Variants in REPS1 observed in about 807,000 individuals in gnomAD.
REPS1 encodes the protein RALBP1 associated Eps domain containing 1, also known as ralBP1-associated Eps domain-containing protein 1.
REPS1 carries 39 observed loss-of-function variants against 100.9 expected under a neutral mutation model. That is an observed-to-expected ratio of 0.39 (90% CI 0.30 to 0.50). The LOEUF is 0.50. Among genes scored for constraint, REPS1 ranks in the 20% least tolerant of loss-of-function variants. REPS1 has a pLI of 0.86. For missense variants in REPS1, 821 were observed against 968.5 expected (o/e 0.85, Z 2.02); for synonymous variants, 324 against 340.3 (o/e 0.95, Z 0.53).
intron 8 of REPS1, among the ~76,000 whole-genome samples, chr6:138,931,588 ATTAT>A (rs1781487701): frequency 6.6e-6 from 1 of 152,160 alleles, no homozygotes; most frequent in South Asian, 2.1e-4. Flanking sequence ...AAGATCAGAA[ATTAT>A]TTCTTTCTTA....
intron 1 of REPS1, among the ~76,000 whole-genome samples, chr6:138,952,890 T>G (rs1194043097): frequency 6.7e-6 from 1 of 148,272 alleles, no homozygotes; most frequent in Non-Finnish European, 1.5e-5. Flanking sequence ...CAGGCTGGAG[T>G]GCAATGGCAC....
At chr6:138,943,786 T>C in intron 6 of REPS1, 67 bp downstream of exon 6, 3 of 1,332,724 alleles carry the variant, frequency 2.3e-6, no homozygotes, top group Non-Finnish European at 3.1e-6. Context: ...TAAAACAATG[T>C]CTTTGATATT....
At position 138,908,618 on chromosome 6, in the gene REPS1, G is replaced by A. The variant is rs142754700; in HGVS notation, c.2216+50C>T. On this transcript the variant is annotated intron_variant, in intron 18 of 19. Coordinates refer to ENST00000450536, the MANE Select transcript of REPS1 (RefSeq NM_001286611.2). ...GCCAGTTTGATTACTTTTAATTGTC[G>A]TGCTTTTTCTTCCTAGTAATTAAAT... is the stretch of plus-strand genomic sequence containing the variant. 7.3e-4 allele frequency: 1,163 copies of A among 1,596,948 alleles called. 9 individuals carry two copies. The African/African-American group carries it at 0.014, about 19-fold the overall frequency.
chr6:138,988,112 C>A lies in REPS1; in HGVS notation c.-430G>T. On this transcript the variant is annotated 5_prime_UTR_variant, in exon 1 of 20. Coordinates refer to ENST00000450536, the MANE Select transcript of REPS1 (RefSeq NM_001286611.2). Reference sequence around the variant, plus strand: ...TCCCCTTCCGTCCACGCCTCCGGAGCGGCAGCGCTTCCCGGAAAGTTGTGG... The same window carrying A: ...TCCCCTTCCGTCCACGCCTCCGGAGAGGCAGCGCTTCCCGGAAAGTTGTGG... 1 of 398,082 alleles carries A rather than the reference C, an allele frequency of 2.5e-6. No individual in the cohort carries two copies. Among genetic ancestry groups the A allele is most frequent in the Non-Finnish European group, 4.4e-6 (1 of 225,698 alleles). 24.7% of individuals were successfully genotyped at this position (398,082 alleles called of 1,614,324 possible). A position where few individuals can be genotyped will look rare whatever the true frequency, so the allele number is the denominator to read the frequency against.
intron 13 of REPS1, among the ~76,000 whole-genome samples, chr6:138,917,176 G>C (rs1245605479): frequency 1.3e-5 from 2 of 152,204 alleles, no homozygotes; most frequent in Non-Finnish European, 2.9e-5. Context: ...TCAGGGTGGG[G>C]AGGTGGCCCA....
intron 1 of REPS1, among the ~76,000 whole-genome samples, chr6:138,967,642 T>C (rs116074970): frequency 0.01 from 1,577 of 152,242 alleles, 21 homozygotes; most frequent in African/African-American, 0.036. Flanking sequence ...ATAATCCCAG[T>C]GCAGCAACAC....
chr6:138,909,747 A>G (rs2128425822), intron 17 of REPS1, among the ~76,000 whole-genome samples: 1 of 152,186 alleles, frequency 6.6e-6, no homozygotes, highest in African/African-American at 2.4e-5. Context: ...TCCGCCATAA[A>G]TGTAAATTTC....
At chr6:138,923,830 T>G (rs1285051991) in intron 10 of REPS1, among the ~76,000 whole-genome samples, 2 of 152,254 alleles carry the variant, frequency 1.3e-5, no homozygotes, top group Non-Finnish European at 2.9e-5. Flanking sequence ...AGCAAATGGC[T>G]AATTATTACA....
chr6:138,957,907 CAATT>C, intron 1 of REPS1, among the ~76,000 whole-genome samples: 1 of 152,110 alleles, frequency 6.6e-6, no homozygotes, highest in East Asian at 1.9e-4. Context: ...ACATATTAAA[CAATT>C]AATTATGGTT....
chr6:138,984,614 T>C (rs551280643), intron 1 of REPS1, among the ~76,000 whole-genome samples: 3 of 152,300 alleles, frequency 2.0e-5, no homozygotes, highest in African/African-American at 7.2e-5. Flanking sequence ...TCTTCCCCAT[T>C]GTCACCTTCA....
chr6:138,920,995 T>C, intron 11 of REPS1, 42 bp downstream of exon 11: 1 of 1,359,932 alleles, frequency 7.4e-7, no homozygotes, highest in Admixed American at 1.8e-5. Flanking sequence ...ATATTTCAGT[T>C]TGATGTAAAA....
rs549030923 is a variant in REPS1, at chr6:138,987,730, G to C, written c.-48C>G. On this transcript the variant is annotated 5_prime_UTR_variant, in exon 1 of 20. Coordinates refer to ENST00000450536, the MANE Select transcript of REPS1 (RefSeq NM_001286611.2). Reference sequence around the variant, plus strand: ...CCCCGCCCCGCATGCACTACTCGGGGCCCGGCCCCAGGAACCTGGGCCGGC... The same window carrying C: ...CCCCGCCCCGCATGCACTACTCGGGCCCCGGCCCCAGGAACCTGGGCCGGC... The C allele has an allele frequency of 2.0e-6, 3 of 1,467,478 alleles. No individual in the cohort carries two copies. The highest frequency in any genetic ancestry group is 2.7e-6 in the Non-Finnish European group (3 of 1,106,666). The allele number at this position is 1,467,478 out of a possible 1,614,324, so 90.9% of individuals were successfully genotyped here. A position where few individuals can be genotyped will look rare whatever the true frequency, so the allele number is the denominator to read the frequency against.
chr6:138,984,477 G>A (rs1460969083), intron 1 of REPS1, among the ~76,000 whole-genome samples: 3 of 152,096 alleles, frequency 2.0e-5, no homozygotes, highest in Non-Finnish European at 4.4e-5. Context: ...TAATGCTTGT[G>A]GAGGCTGTCC....
chr6:138,948,818 A>C (rs1248765614), intron 1 of REPS1, among the ~76,000 whole-genome samples: 2 of 152,220 alleles, frequency 1.3e-5, no homozygotes, highest in African/African-American at 4.8e-5. Context: ...TTAAGTCTGA[A>C]TAAAACTATT....
chr6:138,961,477 G>A (rs1052968376), intron 1 of REPS1, among the ~76,000 whole-genome samples: 27 of 152,006 alleles, frequency 1.8e-4, no homozygotes, highest in African/African-American at 5.6e-4. Context: ...CACCTGCCTC[G>A]GCCTCCCGAA....
At chr6:138,935,555 G>C (rs1246675914) in intron 8 of REPS1, among the ~76,000 whole-genome samples, 1 of 151,890 alleles carries the variant, frequency 6.6e-6, no homozygotes, top group Non-Finnish European at 1.5e-5. Context: ...GGAGTATAAA[G>C]AACAAAGAAT....
chr6:138,930,684 A>G (rs1456988186), intron 8 of REPS1, among the ~76,000 whole-genome samples: 1 of 152,042 alleles, frequency 6.6e-6, no homozygotes, highest in Non-Finnish European at 1.5e-5. Flanking sequence ...AATTTATACT[A>G]ATTCACTCAT....
chr6:138,916,917 G>C (rs185341000), intron 13 of REPS1, among the ~76,000 whole-genome samples: 204 of 152,342 alleles, frequency 1.3e-3, no homozygotes, highest in African/African-American at 4.7e-3. Flanking sequence ...ACTACATGAA[G>C]AATCAGAAAG....
intron 1 of REPS1, among the ~76,000 whole-genome samples, chr6:138,986,650 TA>T (rs1785274273): frequency 6.6e-6 from 1 of 152,208 alleles, no homozygotes; most frequent in South Asian, 2.1e-4. Flanking sequence ...GATGAAAGCT[TA>T]AAACCTGTTC....
Sources: gnomAD v4.1 joint callset for allele counts (sites outside exome capture counted in the v4.1 genomes callset) on GRCh38, gnomAD v4.1.1 for gene constraint, MANE v1.5 for transcripts, NCBI Gene and HGNC (gene_info 2026-07-23, HGNC 2026-07-21) for gene names.